The following DLGAP1 variants were observed in gnomAD, a reference collection of about 807,000 sequenced individuals.
The protein encoded by DLGAP1 is DLG associated protein 1.
A neutral mutation model predicts 90.8 loss-of-function variants in DLGAP1; 11 were observed. The observed-to-expected ratio is 0.12, with a 90% CI of 0.08 to 0.20. The LOEUF (loss-of-function observed/expected upper bound fraction) is 0.20. DLGAP1 is among the 10% of genes least tolerant of loss of function. DLGAP1 has a pLI of 1.00. For synonymous variants in DLGAP1, 558 were observed against 540.7 expected, an observed-to-expected ratio of 1.03 and a Z score of -0.44; for missense variants, 1,050 against 1,333.8, an observed-to-expected ratio of 0.79 and a Z score of 3.31.
chr18:3,534,098 C>G (rs535676192), intron 10 of DLGAP1, 96 bp downstream of exon 10: 1 of 1,382,836 alleles, frequency 7.2e-7, no homozygotes, highest in South Asian at 1.4e-5. Flanking sequence ...CAAGGTTATA[C>G]AAGTGAAGCT....
chr18:4,402,285 A>G (rs920815471), intron 1 of DLGAP1, among the ~76,000 whole-genome samples: 11 of 152,214 alleles, frequency 7.2e-5, no homozygotes, highest in Non-Finnish European at 1.5e-4. Context: ...ACTCACATCT[A>G]TATTATTTAT....
chr18:3,685,461 G>A (rs1028464840), intron 7 of DLGAP1, among the ~76,000 whole-genome samples: 6 of 151,390 alleles, frequency 4.0e-5, no homozygotes, highest in Non-Finnish European at 8.8e-5. Flanking sequence ...CTACTTGGGA[G>A]GCTGAGGCAG....
At chr18:4,217,041 C>G (rs1298444373) in intron 1 of DLGAP1, among the ~76,000 whole-genome samples, 1 of 152,028 alleles carries the variant, frequency 6.6e-6, no homozygotes, top group African/African-American at 2.4e-5. Flanking sequence ...ATCCGTCCGT[C>G]TCTCCCTCTT....
chr18:4,142,504 A>G (rs73369004), intron 2 of DLGAP1, among the ~76,000 whole-genome samples: 4,122 of 152,292 alleles, frequency 0.027, 171 homozygotes, highest in African/African-American at 0.091. Context: ...ATGAAAAATA[A>G]ACACGTATTC....
chr18:4,061,745 C>T (rs1480807524), intron 2 of DLGAP1, among the ~76,000 whole-genome samples: 1 of 152,084 alleles, frequency 6.6e-6, no homozygotes, highest in African/African-American at 2.4e-5. Flanking sequence ...TATATGTTAT[C>T]AGTAATAATT....
intron 1 of DLGAP1, among the ~76,000 whole-genome samples, chr18:4,365,524 A>G (rs937181148): frequency 9.9e-5 from 15 of 152,166 alleles, no homozygotes; most frequent in Admixed American, 7.2e-4. Context: ...AAATCATTGA[A>G]TTACACAACT....
Position 3,543,787 on chromosome 18 carries a change from G to T in DLGAP1, c.2058-9172C>A, listed in dbSNP as rs116110659. On this transcript the variant is annotated intron_variant, in intron 9 of 12. Transcript: ENST00000315677. ...CAGGGAGTGGTCCCCATGGGGAGTC[G>T]GCAGTCTCCCTGACTAATGAGACAT... is the stretch of plus-strand genomic sequence containing the variant. Among the ~76,000 whole-genome samples the T allele has an allele frequency of 7.0e-3, 1,062 of 152,226 alleles. 13 individuals carry two copies. Among genetic ancestry groups the T allele is most frequent in the African/African-American group, 0.024 (1,001 of 41,530 alleles).
intron 7 of DLGAP1, among the ~76,000 whole-genome samples, chr18:3,674,296 A>AAAAAAAATATATATATATAT (rs755076240): frequency 5.4e-5 from 7 of 128,994 alleles, no homozygotes; most frequent in African/African-American, 2.3e-4. Flanking sequence ...ATAATATTAA[A>AAAAAAAATATATATATATAT]ATATATATAT....
chr18:4,444,464 C>A (rs1369332282), intron 1 of DLGAP1, among the ~76,000 whole-genome samples: 2 of 152,280 alleles, frequency 1.3e-5, no homozygotes, highest in Non-Finnish European at 2.9e-5. Flanking sequence ...AGCCTCTACT[C>A]ATTATAGGAA....
At chr18:4,439,544 G>T (rs184540721) in intron 1 of DLGAP1, among the ~76,000 whole-genome samples, 1 of 152,310 alleles carries the variant, frequency 6.6e-6, no homozygotes, top group African/African-American at 2.4e-5. Context: ...AGTGGCTCAT[G>T]CCTGTAATCC....
At position 4,382,075 on chromosome 18, in the gene DLGAP1, T is replaced by C. The variant is rs1313396331; in HGVS notation, c.-267+72931A>G. Among the ~76,000 whole-genome samples the C allele has an allele frequency of 2.0e-5, 3 of 151,998 alleles. No homozygotes were observed. The East Asian group carries it at 5.8e-4, about 29-fold the overall frequency. ...CATGATTCAATTATTTCCCACTAGGTCCCTCCCACAACATGTGGGAATTAT... is the reference window on the plus strand; with the variant it reads ...CATGATTCAATTATTTCCCACTAGGCCCCTCCCACAACATGTGGGAATTAT... On this transcript the variant is annotated intron_variant, in intron 1 of 12. Transcript: ENST00000315677.
intron 1 of DLGAP1, among the ~76,000 whole-genome samples, chr18:4,235,423 G>A (rs1485157451): frequency 2.6e-5 from 4 of 152,034 alleles, no homozygotes; most frequent in Non-Finnish European, 4.4e-5. Context: ...GAACCACTTG[G>A]GAATTGCTCA....
chr18:4,150,208 GCAGA>G, intron 2 of DLGAP1, among the ~76,000 whole-genome samples: 1 of 152,114 alleles, frequency 6.6e-6, no homozygotes, highest in Non-Finnish European at 1.5e-5. Context: ...AGCAAGTAAC[GCAGA>G]CAAAGACAAT....
chr18:4,261,251 C>G (rs1008466371), intron 1 of DLGAP1, among the ~76,000 whole-genome samples: 1 of 152,166 alleles, frequency 6.6e-6, no homozygotes, highest in Non-Finnish European at 1.5e-5. Flanking sequence ...CCGTCCAAGT[C>G]GGACTCTATG....
At chr18:3,887,675 T>C (rs1377051927) in intron 3 of DLGAP1, among the ~76,000 whole-genome samples, 1 of 152,202 alleles carries the variant, frequency 6.6e-6, no homozygotes, top group East Asian at 1.9e-4. Context: ...TTTTCCCGTT[T>C]ACTTATAATA....
chr18:3,888,459 A>G (rs2071378723), intron 3 of DLGAP1, among the ~76,000 whole-genome samples: 1 of 151,630 alleles, frequency 6.6e-6, no homozygotes, highest in Admixed American at 6.6e-5. Context: ...AATCATCTGC[A>G]GTTTGATTTC....
chr18:4,182,685 C>A (rs1445569357), intron 1 of DLGAP1, among the ~76,000 whole-genome samples: 6 of 151,950 alleles, frequency 3.9e-5, no homozygotes, highest in Admixed American at 3.9e-4. Context: ...GCTATGGGGT[C>A]CATTCCAACT....
At chr18:4,351,186 C>G (rs1182921443) in intron 1 of DLGAP1, among the ~76,000 whole-genome samples, 1 of 152,166 alleles carries the variant, frequency 6.6e-6, no homozygotes. Flanking sequence ...ATTACATAAT[C>G]CTTTCTTCAA....
At chr18:4,253,594 G>A (rs2078826738) in intron 1 of DLGAP1, among the ~76,000 whole-genome samples, 1 of 151,952 alleles carries the variant, frequency 6.6e-6, no homozygotes. Context: ...ATCTTTAGTA[G>A]AGCCAGGGTT....
Sources: gnomAD v4.1 joint callset for allele counts (sites outside exome capture counted in the v4.1 genomes callset) on GRCh38, gnomAD v4.1.1 for gene constraint, MANE v1.5 for transcripts, NCBI Gene and HGNC (gene_info 2026-07-23, HGNC 2026-07-21) for gene names.